RSRC1: variants seen among roughly 807,000 people sequenced by gnomAD.
The protein encoded by RSRC1 is arginine and serine rich coiled-coil 1.
A neutral mutation model predicts 49.1 loss-of-function variants in RSRC1; 39 were observed. The ratio of observed to expected loss-of-function variants is 0.79; its 90% CI spans 0.61 to 1.04. The LOEUF is 1.04. Among genes scored for constraint, RSRC1 ranks in the 50% least tolerant of loss-of-function variants. The probability of loss-of-function intolerance (pLI) is 0.00; values close to 1 mark genes in which losing one functional copy is unlikely to be tolerated. For synonymous variants in RSRC1, 143 were observed against 130.8 expected (o/e 1.09, Z -0.63); for missense variants, 388 against 402.4 (o/e 0.96, Z 0.31).
intron 5 of RSRC1, among the ~76,000 whole-genome samples, chr3:158,340,078 C>A (rs1730141765): frequency 6.6e-6 from 1 of 152,178 alleles, no homozygotes; most frequent in Non-Finnish European, 1.5e-5. Flanking sequence ...TAAATCTCAA[C>A]TTGAATTGTA....
chr3:158,490,209 C>T (rs1355419995), intron 7 of RSRC1, among the ~76,000 whole-genome samples: 3 of 152,118 alleles, frequency 2.0e-5, no homozygotes, highest in African/African-American at 7.2e-5. Context: ...CTCAGCCTCC[C>T]GAGTAGTTGG....
chr3:158,122,033 A>T (rs1217908970), intron 1 of RSRC1, 70 bp from the exon 2 acceptor site: 10 of 841,888 alleles, frequency 1.2e-5, no homozygotes, highest in African/African-American at 1.8e-5. Flanking sequence ...GAAATAAAAA[A>T]TTAATATATT....
intron 6 of RSRC1, among the ~76,000 whole-genome samples, chr3:158,451,122 T>C (rs979444170): frequency 1.3e-5 from 2 of 151,916 alleles, no homozygotes; most frequent in Non-Finnish European, 2.9e-5. Context: ...AGAATAATAT[T>C]ATTTGTCACA....
intron 7 of RSRC1, among the ~76,000 whole-genome samples, chr3:158,477,798 TTATATATATA>T (rs67839411): frequency 1.1e-5 from 1 of 89,772 alleles, no homozygotes; most frequent in African/African-American, 4.6e-5. Flanking sequence ...CGGGAGGGAT[TTATATATATA>T]TATATATATA....
chr3:158,257,565 A>C (rs969270857), intron 4 of RSRC1, among the ~76,000 whole-genome samples: 1 of 151,912 alleles, frequency 6.6e-6, no homozygotes, highest in Non-Finnish European at 1.5e-5. Flanking sequence ...GCAGCAGATC[A>C]TTGTGTGTTG....
Position 158,122,111 on chromosome 3 carries a change from C to A in RSRC1, c.7C>A (p.Arg3Ser). 1 of 1,495,740 alleles carries A rather than the reference C, an allele frequency of 6.7e-7. No homozygotes were observed. Among genetic ancestry groups the A allele is most frequent in the Non-Finnish European group, 8.9e-7 (1 of 1,123,090 alleles). The allele number at this position is 1,495,740 out of a possible 1,614,324, so 92.7% of individuals were successfully genotyped here. A position where few individuals can be genotyped will look rare whatever the true frequency, so the allele number is the denominator to read the frequency against. The part of the protein sequence containing the change: MG[R>S]RSSDTEEESR... ...CAAATTTATGCTTATAGAAATGGGA[C>A]GTCGGTCATCAGATACTGAAGAAGA... is the stretch of plus-strand genomic sequence containing the variant. The change falls in exon 2 of 10, where the codon CGT (arginine) becomes AGT (serine). Residue 3 changes from arginine (R) to serine (S), a missense_variant. By Grantham distance (110) the Arg-to-Ser change is moderately radical. Coordinates refer to ENST00000611884, the MANE Select transcript of RSRC1 (RefSeq NM_001271838.2).
intron 4 of RSRC1, among the ~76,000 whole-genome samples, chr3:158,234,849 G>C (rs979338254): frequency 1.3e-5 from 2 of 152,048 alleles, no homozygotes; most frequent in Non-Finnish European, 2.9e-5. Context: ...TTAACTGTAA[G>C]TTCCTATGCA....
intron 3 of RSRC1, among the ~76,000 whole-genome samples, chr3:158,133,706 A>G (rs1716182873): frequency 1.3e-5 from 2 of 152,352 alleles, no homozygotes; most frequent in African/African-American, 4.8e-5. Flanking sequence ...TACAAAATTT[A>G]ATAAATCATC....
At chr3:158,318,171 GC>G (rs1245080266) in intron 5 of RSRC1, among the ~76,000 whole-genome samples, 2 of 152,040 alleles carry the variant, frequency 1.3e-5, no homozygotes, top group African/African-American at 4.8e-5. Context: ...GACAACCCCT[GC>G]CCTGGAGCAT....
intron 7 of RSRC1, among the ~76,000 whole-genome samples, chr3:158,507,698 T>TA (rs1424939391): frequency 1.3e-5 from 2 of 152,262 alleles, no homozygotes; most frequent in South Asian, 2.1e-4. Context: ...CTCTATTGTT[T>TA]AAAAAAATAC....
intron 6 of RSRC1, among the ~76,000 whole-genome samples, chr3:158,453,403 C>G (rs528155861): frequency 1.4e-5 from 2 of 145,130 alleles, no homozygotes; most frequent in African/African-American, 2.6e-5. Context: ...TTTTTCGAGT[C>G]GGAGTATTGC....
intron 5 of RSRC1, among the ~76,000 whole-genome samples, chr3:158,329,742 C>G (rs529752206): frequency 2.7e-4 from 41 of 152,296 alleles, no homozygotes; most frequent in African/African-American, 8.9e-4. Context: ...GCTGAGAGAA[C>G]CACTACTCTC....
chr3:158,148,483 A>G (rs960872598), intron 3 of RSRC1, among the ~76,000 whole-genome samples: 1 of 152,022 alleles, frequency 6.6e-6, no homozygotes, highest in African/African-American at 2.4e-5. Context: ...CAGGACCTGG[A>G]TTTCAATCCC....
At chr3:158,389,910 A>G (rs1047469857) in intron 6 of RSRC1, among the ~76,000 whole-genome samples, 2 of 152,182 alleles carry the variant, frequency 1.3e-5, no homozygotes, top group Non-Finnish European at 2.9e-5. Context: ...ACATTTCCAG[A>G]GTGCCCTAAG....
At chr3:158,437,669 A>G (rs920447449) in intron 6 of RSRC1, among the ~76,000 whole-genome samples, 1 of 152,124 alleles carries the variant, frequency 6.6e-6, no homozygotes, top group African/African-American at 2.4e-5. Flanking sequence ...ATCTCAAAAT[A>G]AAATAATAAG....
At chr3:158,525,494 G>A (rs28812258) in intron 7 of RSRC1, among the ~76,000 whole-genome samples, 3,446 of 152,048 alleles carry the variant, frequency 0.023, 114 homozygotes, top group African/African-American at 0.08. Context: ...CAGTTTGGCA[G>A]TGTCTTACAA....
At chr3:158,483,669 G>A (rs62287861) in intron 7 of RSRC1, among the ~76,000 whole-genome samples, 45,963 of 151,830 alleles carry the variant, frequency 0.3, 7,150 homozygotes, top group South Asian at 0.42. Flanking sequence ...TATTTATAGA[G>A]CAAGGAAATA....
At chr3:158,263,603 TG>T (rs1196078414) in intron 4 of RSRC1, among the ~76,000 whole-genome samples, 10 of 152,242 alleles carry the variant, frequency 6.6e-5, no homozygotes, top group South Asian at 2.1e-4. Flanking sequence ...TTGTATTATT[TG>T]ATTATTAAAT....
At chr3:158,380,839 T>C (rs1197803439) in intron 6 of RSRC1, among the ~76,000 whole-genome samples, 1 of 152,196 alleles carries the variant, frequency 6.6e-6, no homozygotes, top group African/African-American at 2.4e-5. Context: ...TTTTCTATAC[T>C]TAATGTAGTA....
Sources: gnomAD v4.1 joint callset for allele counts (sites outside exome capture counted in the v4.1 genomes callset) on GRCh38, gnomAD v4.1.1 for gene constraint, MANE v1.5 for transcripts, NCBI Gene and HGNC (gene_info 2026-07-23, HGNC 2026-07-21) for gene names.